The following KCNQ5 variants were observed in gnomAD, a reference collection of about 807,000 sequenced individuals.
The protein encoded by KCNQ5 is potassium voltage-gated channel subfamily KQT member 5.
A neutral mutation model predicts 98.2 loss-of-function variants in KCNQ5; 30 were observed. The ratio of observed to expected loss-of-function variants is 0.31; its 90% CI spans 0.23 to 0.41. KCNQ5 has a LOEUF of 0.41. KCNQ5 is among the 10% of genes least tolerant of loss of function. The probability of loss-of-function intolerance (pLI) is 1.00; values close to 1 mark genes in which losing one functional copy is unlikely to be tolerated. For missense variants in KCNQ5, 835 were observed against 1,182.5 expected (o/e 0.71, Z 4.31); for synonymous variants, 458 against 449.4 (o/e 1.02, Z -0.24).
intron 10 of KCNQ5, among the ~76,000 whole-genome samples, chr6:73,155,181 T>C (rs1777313662): frequency 6.6e-6 from 1 of 152,216 alleles, no homozygotes; most frequent in Non-Finnish European, 1.5e-5. Flanking sequence ...TCATCCTCTG[T>C]GCTTAGGACC....
chr6:72,892,969 C>A (rs1409803905), intron 1 of KCNQ5, among the ~76,000 whole-genome samples: 1 of 152,154 alleles, frequency 6.6e-6, no homozygotes, highest in Non-Finnish European at 1.5e-5. Flanking sequence ...AAAAAATAGA[C>A]ATATGGACAT....
intron 3 of KCNQ5, among the ~76,000 whole-genome samples, chr6:73,051,589 A>T (rs1772237026): frequency 6.6e-6 from 1 of 152,090 alleles, no homozygotes; most frequent in South Asian, 2.1e-4. Flanking sequence ...TGCAGCATAC[A>T]GCCCAAAAGT....
rs376842647 is a variant in KCNQ5 at position 73,105,249 on chromosome 6, G to A, written c.919-8G>A. On this transcript the variant is annotated splice_region_variant and splice_polypyrimidine_tract_variant and intron_variant, in intron 5 of 13. Transcript: ENST00000370398. ...TTAAGCTGCACATTCTATTTATTTTGTTTCTAGATTACATTGACAACTATT... is the reference window on the plus strand; with the variant it reads ...TTAAGCTGCACATTCTATTTATTTTATTTCTAGATTACATTGACAACTATT... The A allele has an allele frequency of 1.7e-4, 266 of 1,535,946 alleles. No homozygotes were observed. The highest frequency in any genetic ancestry group is 2.3e-4 in the Non-Finnish European group (261 of 1,116,260).
chr6:73,151,948 A>G (rs1485481270), intron 10 of KCNQ5, among the ~76,000 whole-genome samples: 2 of 152,136 alleles, frequency 1.3e-5, no homozygotes, highest in East Asian at 1.9e-4. Flanking sequence ...CACTAGTCCT[A>G]TCTGGACCAA....
intron 1 of KCNQ5, chr6:72,987,257 T>G: frequency 1.4e-6 from 1 of 689,978 alleles, no homozygotes; most frequent in Non-Finnish European, 2.8e-6. Flanking sequence ...CAAGAGACCC[T>G]TGGAAGGAGG....
At chr6:72,745,697 C>T (rs908374022) in intron 1 of KCNQ5, among the ~76,000 whole-genome samples, 12 of 152,052 alleles carry the variant, frequency 7.9e-5, no homozygotes, top group East Asian at 7.7e-4. Context: ...CTTTGGATGC[C>T]GTATCAAATT....
intron 9 of KCNQ5, among the ~76,000 whole-genome samples, chr6:73,130,779 G>A (rs919550872): frequency 6.6e-6 from 1 of 152,202 alleles, no homozygotes; most frequent in Admixed American, 6.5e-5. Flanking sequence ...CTTTTTGTAA[G>A]AGGACACAAG....
chr6:73,149,421 G>GA (rs1272661110), intron 10 of KCNQ5, among the ~76,000 whole-genome samples: 1 of 152,066 alleles, frequency 6.6e-6, no homozygotes, highest in Non-Finnish European at 1.5e-5. Flanking sequence ...AAAGCTTTTA[G>GA]AAAAAAAGTA....
At chr6:72,777,505 G>A (rs1773218662) in intron 1 of KCNQ5, among the ~76,000 whole-genome samples, 1 of 152,274 alleles carries the variant, frequency 6.6e-6, no homozygotes, top group African/African-American at 2.4e-5. Flanking sequence ...CAAATCACAA[G>A]AAGCACACAT....
intron 1 of KCNQ5, among the ~76,000 whole-genome samples, chr6:72,637,941 C>CA (rs2098925163): frequency 6.6e-6 from 1 of 152,098 alleles, no homozygotes; most frequent in African/African-American, 2.4e-5. Context: ...AGAAGAAACC[C>CA]GGGTAAGTTC....
chr6:72,944,808 A>G (rs946005063), intron 1 of KCNQ5, among the ~76,000 whole-genome samples: 2 of 152,348 alleles, frequency 1.3e-5, no homozygotes, highest in Admixed American at 1.3e-4. Flanking sequence ...AACTGTATCC[A>G]TAAATAAAGC....
intron 1 of KCNQ5, among the ~76,000 whole-genome samples, chr6:72,888,757 A>C (rs182746411): frequency 7.9e-5 from 12 of 152,264 alleles, no homozygotes; most frequent in African/African-American, 2.4e-4. Flanking sequence ...GGCCAAATAT[A>C]GGGGTGTCTT....
chr6:72,884,574 G>A (rs1452951418), intron 1 of KCNQ5, among the ~76,000 whole-genome samples: 4 of 151,938 alleles, frequency 2.6e-5, no homozygotes, highest in African/African-American at 9.7e-5. Flanking sequence ...GTATAGTGTT[G>A]AGTCTATAGC....
chr6:72,983,101 A>T (rs998045085), intron 1 of KCNQ5, among the ~76,000 whole-genome samples: 7 of 152,026 alleles, frequency 4.6e-5, no homozygotes, highest in Non-Finnish European at 7.4e-5. Context: ...GCTGCCCTTA[A>T]TATTTTTTCC....
chr6:73,008,820 TCA>T (rs1769931087), intron 2 of KCNQ5, among the ~76,000 whole-genome samples: 1 of 152,190 alleles, frequency 6.6e-6, no homozygotes, highest in Non-Finnish European at 1.5e-5. Context: ...CTTATGTTAT[TCA>T]TATGCCATTA....
chr6:72,716,097 A>C (rs144827415), intron 1 of KCNQ5, among the ~76,000 whole-genome samples: 3 of 152,356 alleles, frequency 2.0e-5, no homozygotes, highest in Admixed American at 2.0e-4. Context: ...CTTAACTCAA[A>C]TGTCATTGCT....
chr6:72,671,252 A>G (rs1350175082), intron 1 of KCNQ5, among the ~76,000 whole-genome samples: 1 of 152,178 alleles, frequency 6.6e-6, no homozygotes, highest in East Asian at 1.9e-4. Flanking sequence ...TTACTTTGGG[A>G]AAACTGAATG....
At chr6:72,949,700 A>T (rs1582072318) in intron 1 of KCNQ5, among the ~76,000 whole-genome samples, 1 of 152,324 alleles carries the variant, frequency 6.6e-6, no homozygotes, top group East Asian at 1.9e-4. Context: ...GAATGAACAC[A>T]TGAATGAACA....
chr6:73,130,984 T>C (rs1183255888), intron 9 of KCNQ5, among the ~76,000 whole-genome samples: 1 of 152,164 alleles, frequency 6.6e-6, no homozygotes, highest in Non-Finnish European at 1.5e-5. Flanking sequence ...CATTAGCAAA[T>C]ATCCATGTAG....
Sources: allele counts gnomAD v4.1 joint callset (sites outside exome capture counted in the v4.1 genomes callset), GRCh38; gene constraint gnomAD v4.1.1; transcripts MANE v1.5; gene names NCBI Gene and HGNC (gene_info 2026-07-23, HGNC 2026-07-21).